RYR3: variants seen among roughly 807,000 people sequenced by gnomAD.
RYR3 encodes the protein ryanodine receptor 3, also known as brain ryanodine receptor-calcium release channel.
In RYR3, 207 loss-of-function variants were observed where a neutral mutation model predicts 584.3. That is an observed-to-expected ratio of 0.35 (90% confidence interval 0.32 to 0.40). The LOEUF is 0.40. Among genes scored for constraint, RYR3 ranks in the 10% least tolerant of loss-of-function variants. The probability of loss-of-function intolerance (pLI) is 1.00; values close to 1 mark genes in which losing one functional copy is unlikely to be tolerated. For synonymous variants in RYR3, 2,416 were observed against 2,248.5 expected (o/e 1.07, Z -2.11); for missense variants, 5,616 against 6,089.2 (o/e 0.92, Z 2.59).
intron 32 of RYR3, among the ~76,000 whole-genome samples, chr15:33,657,534 G>T (rs186530838): frequency 6.6e-6 from 1 of 152,182 alleles, no homozygotes; most frequent in Admixed American, 6.5e-5. Context: ...GCCCAGGGAC[G>T]ACTCCTGCCT....
At chr15:33,465,177 T>C (rs895320119) in intron 1 of RYR3, among the ~76,000 whole-genome samples, 6 of 152,206 alleles carry the variant, frequency 3.9e-5, no homozygotes, top group South Asian at 2.1e-4. Flanking sequence ...ATCTTGGCTA[T>C]TGCGAATGTG....
At chr15:33,668,898 CAG>C (rs1338854663) in intron 36 of RYR3, among the ~76,000 whole-genome samples, 6 of 152,084 alleles carry the variant, frequency 3.9e-5, no homozygotes, top group East Asian at 3.9e-4. Flanking sequence ...TATGTCATAA[CAG>C]AGTTAATTTT....
intron 6 of RYR3, 112 bp downstream of exon 6, chr15:33,539,574 A>C (rs1231908201): frequency 1.5e-6 from 1 of 657,282 alleles, no homozygotes; most frequent in East Asian, 2.8e-5. Context: ...ATGCTTTTAC[A>C]TATATAGAGT....
intron 38 of RYR3, among the ~76,000 whole-genome samples, chr15:33,675,962 A>G (rs773926851): frequency 2.0e-4 from 28 of 137,188 alleles, no homozygotes; most frequent in Non-Finnish European, 4.0e-4. Flanking sequence ...TAAGGCTGGT[A>G]TGGTAGCCAG....
chr15:33,485,890 T>C (rs919127455), intron 2 of RYR3, among the ~76,000 whole-genome samples: 2 of 152,074 alleles, frequency 1.3e-5, no homozygotes, highest in African/African-American at 4.8e-5. Context: ...GAATTTAAGT[T>C]GAATGAGGAA....
Position 33,774,705 on chromosome 15 carries a change from T to C in RYR3, c.9137+1090T>C, listed in dbSNP as rs118155052. Among the ~76,000 whole-genome samples the C allele has an allele frequency of 5.2e-3, 796 of 152,316 alleles. 9 individuals carry two copies. The highest frequency in any genetic ancestry group is 8.0e-3 in the Admixed American group (123 of 15,296). On this transcript the variant is annotated intron_variant, in intron 64 of 103. Transcript: ENST00000634891. ...ATGGCTGCGTTTGTTTTTATTATGA[T>C]TTTAAGTCTTTAACAGTTGTCAGGC...
At chr15:33,508,116 T>C (rs1015994936) in intron 3 of RYR3, among the ~76,000 whole-genome samples, 4 of 152,230 alleles carry the variant, frequency 2.6e-5, no homozygotes, top group African/African-American at 9.6e-5. Context: ...GCTGCACTCC[T>C]GCCGATAAGG....
chr15:33,493,906 G>GC (rs879884579), intron 2 of RYR3, among the ~76,000 whole-genome samples: 19 of 152,072 alleles, frequency 1.2e-4, no homozygotes, highest in Non-Finnish European at 2.5e-4. Flanking sequence ...AACAGAGAGA[G>GC]ACCTTGTCTC....
intron 1 of RYR3, among the ~76,000 whole-genome samples, chr15:33,376,620 G>T (rs1475316560): frequency 6.6e-6 from 1 of 152,200 alleles, no homozygotes; most frequent in East Asian, 1.9e-4. Context: ...GACTATAACA[G>T]CCAACACTTG....
At chr15:33,349,106 C>CTTT (rs749996197) in intron 1 of RYR3, among the ~76,000 whole-genome samples, 11 of 113,554 alleles carry the variant, frequency 9.7e-5, no homozygotes, top group Admixed American at 1.8e-4. Context: ...TAGCTTGTGC[C>CTTT]TTTTTTTTTT....
chr15:33,621,252 T>A lies in RYR3; in HGVS notation c.2358-2555T>A, dbSNP rs560029534. Among the ~76,000 whole-genome samples the A allele has an allele frequency of 2.5e-3, 379 of 152,312 alleles. 3 individuals carry two copies. The highest frequency in any genetic ancestry group is 3.2e-3 in the Non-Finnish European group (215 of 68,012). On this transcript the variant is annotated intron_variant, in intron 19 of 103. Transcript: ENST00000634891. The stretch of plus-strand genomic sequence containing the variant: ...ATCATTTACTTGTTCTTGGAGTCCA[T>A]ATGCTAGTGAGTAATGGAATACACT...
chr15:33,497,912 CATCTAT>C (rs1354061860), intron 2 of RYR3, among the ~76,000 whole-genome samples: 2 of 152,138 alleles, frequency 1.3e-5, no homozygotes, highest in African/African-American at 4.8e-5. Flanking sequence ...ACTCTCTCTA[CATCTAT>C]GAGATCAACT....
chr15:33,348,443 C>G (rs1972754650), intron 1 of RYR3, among the ~76,000 whole-genome samples: 2 of 152,082 alleles, frequency 1.3e-5, no homozygotes, highest in Admixed American at 1.3e-4. Context: ...TCATTCTTTC[C>G]TGAGGTCTCC....
At chr15:33,427,261 T>G (rs1445301501) in intron 1 of RYR3, among the ~76,000 whole-genome samples, 2 of 152,154 alleles carry the variant, frequency 1.3e-5, no homozygotes, top group African/African-American at 4.8e-5. Flanking sequence ...TTTGTTGGAT[T>G]TGGCCCCAAT....
At chr15:33,329,771 T>A (rs1970159619) in intron 1 of RYR3, among the ~76,000 whole-genome samples, 1 of 152,168 alleles carries the variant, frequency 6.6e-6, no homozygotes, top group South Asian at 2.1e-4. Context: ...ATAGGACTGG[T>A]CTATGCCCAA....
intron 13 of RYR3, 59 bp from the exon 14 acceptor site, chr15:33,581,449 T>G (rs2058587178): frequency 6.5e-7 from 1 of 1,540,484 alleles, no homozygotes; most frequent in Non-Finnish European, 8.9e-7. Context: ...GGAAAGAGCA[T>G]AAGGGACTGT....
chr15:33,401,134 T>C (rs2042636924), intron 1 of RYR3, among the ~76,000 whole-genome samples: 1 of 152,126 alleles, frequency 6.6e-6, no homozygotes, highest in African/African-American at 2.4e-5. Context: ...GAGTGTTATT[T>C]AGCGGTCTCT....
intron 1 of RYR3, among the ~76,000 whole-genome samples, chr15:33,352,900 A>T (rs1393390440): frequency 6.6e-6 from 1 of 152,172 alleles, no homozygotes; most frequent in Non-Finnish European, 1.5e-5. Context: ...CACGAGGACG[A>T]TGGGGACCTG....
intron 43 of RYR3, among the ~76,000 whole-genome samples, chr15:33,719,138 A>G (rs1465107229): frequency 1.3e-5 from 2 of 152,192 alleles, no homozygotes; most frequent in Admixed American, 1.3e-4. Flanking sequence ...TCTAATTAGC[A>G]GCAATGGTTG....
Sources: allele counts gnomAD v4.1 joint callset (sites outside exome capture counted in the v4.1 genomes callset), GRCh38; gene constraint gnomAD v4.1.1; transcripts MANE v1.5; gene names NCBI Gene and HGNC (gene_info 2026-07-23, HGNC 2026-07-21).